Variants in STRN observed in about 807,000 individuals in gnomAD.
The protein encoded by STRN is striatin.
In STRN, 53 loss-of-function variants were observed where a neutral mutation model predicts 96.3. The observed-to-expected ratio is 0.55, with a 90% confidence interval of 0.44 to 0.69. STRN has a LOEUF of 0.69. STRN is among the 30% of genes least tolerant of loss of function. STRN has a pLI of 0.00. For synonymous variants in STRN, 428 were observed against 355.9 expected (o/e 1.20, Z -2.28); for missense variants, 987 against 963.9 (o/e 1.02, Z -0.32).
rs753175895 is a variant in STRN at position 36,966,319 on chromosome 2, G to A, written c.145C>T (p.Leu49Phe). ...TGCAGGAAGTGCAGGATCCCCGGGA[G>A]ACTGTACTGGGCTCGGGCCGCCCCC... ...AAGAARAQYS[L>F]PGILHFLQHE... The change falls in exon 1 of 18, where the codon CTC becomes TTC. Residue 49 changes from leucine (L) to phenylalanine (F), a missense_variant. Transcript: ENST00000263918. 5.2e-5 allele frequency: 80 copies of A among 1,550,338 alleles called. No homozygotes were observed. The highest frequency in any genetic ancestry group is 5.1e-4 in the South Asian group (43 of 85,038).
At chr2:36,937,829 G>A (rs1670745486) in intron 1 of STRN, among the ~76,000 whole-genome samples, 1 of 152,112 alleles carries the variant, frequency 6.6e-6, no homozygotes, top group African/African-American at 2.4e-5. Context: ...TATGACCAGA[G>A]TGATTATAAA....
At chr2:36,867,363 A>G (rs1668655367) in intron 12 of STRN, 2 of 153,136 alleles carry the variant, frequency 1.3e-5, no homozygotes, top group Non-Finnish European at 2.9e-5. Flanking sequence ...CAACAGCGTG[A>G]GACCCCGTCT....
intron 1 of STRN, 94 bp downstream of exon 1, chr2:36,966,136 G>A (rs1464767414): frequency 3.3e-5 from 44 of 1,317,842 alleles, no homozygotes; most frequent in Non-Finnish European, 3.9e-5. Context: ...GGGAGGGGAC[G>A]CGAGAAGGCT....
chr2:36,862,861 G>A (rs1237488602), intron 12 of STRN, among the ~76,000 whole-genome samples: 2 of 151,530 alleles, frequency 1.3e-5, no homozygotes, highest in Non-Finnish European at 2.9e-5. Flanking sequence ...CAGCCTCTCC[G>A]AGTAGCTGGG....
Position 36,849,696 on chromosome 2 carries a change from C to T in STRN, c.2173+18G>A. ...AAATGGTAAGGACAAATAAATAATC[C>T]ATAGTTGAGGTACTTACTGCCAGAC... is the stretch of plus-strand genomic sequence containing the variant. On this transcript the variant is annotated intron_variant, in intron 17 of 17. Transcript: ENST00000263918. 6.2e-7 allele frequency: 1 copy of T among 1,613,632 alleles called. No homozygotes were observed. The highest frequency in any genetic ancestry group is 8.5e-7 in the Non-Finnish European group (1 of 1,179,830).
chr2:36,952,909 T>C (rs1664796504), intron 1 of STRN, among the ~76,000 whole-genome samples: 2 of 152,222 alleles, frequency 1.3e-5, no homozygotes, highest in African/African-American at 4.8e-5. Context: ...TTAAGCTCTT[T>C]TGCTCAATGG....
chr2:36,838,287 G>A lies in STRN; in HGVS notation c.*11169C>T, dbSNP rs1667867057. Among the ~76,000 whole-genome samples, 2 of 152,170 alleles carry A rather than the reference G, an allele frequency of 1.3e-5. No individual in the cohort carries two copies. The highest frequency in any genetic ancestry group is 2.9e-5 in the Non-Finnish European group (2 of 68,034). ...CTCTGACTTTAATGAGGCTGGAAGC[G>A]AATTCCTCCTCAGAGCTTTAGTTGA... On this transcript the variant is annotated 3_prime_UTR_variant, in exon 18 of 18. Coordinates refer to ENST00000263918, the MANE Select transcript of STRN (RefSeq NM_003162.4).
intron 15 of STRN, among the ~76,000 whole-genome samples, chr2:36,853,253 A>G (rs1668264555): frequency 6.6e-6 from 1 of 152,238 alleles, no homozygotes. Context: ...AGAGATGTTT[A>G]TTTATAAAAT....
intron 7 of STRN, among the ~76,000 whole-genome samples, chr2:36,888,638 T>C (rs1293984984): frequency 1.1e-5 from 1 of 89,606 alleles, no homozygotes; most frequent in African/African-American, 3.5e-5. Context: ...TTTTAATTTA[T>C]ATGTGTGTGT....
At chr2:36,951,553 A>C (rs2148268757) in intron 1 of STRN, among the ~76,000 whole-genome samples, 1 of 152,364 alleles carries the variant, frequency 6.6e-6, no homozygotes, top group African/African-American at 2.4e-5. Flanking sequence ...TGTCTGAAAC[A>C]CAGGTCCTGC....
intron 9 of STRN, among the ~76,000 whole-genome samples, chr2:36,879,187 C>G (rs1269882112): frequency 6.6e-6 from 1 of 152,096 alleles, no homozygotes; most frequent in Non-Finnish European, 1.5e-5. Flanking sequence ...TCTCCTGCCT[C>G]AGCCTCCCAA....
intron 1 of STRN, among the ~76,000 whole-genome samples, chr2:36,939,177 C>G (rs371596376): frequency 6.6e-6 from 1 of 151,964 alleles, no homozygotes; most frequent in African/African-American, 2.4e-5. Context: ...GTGATCCGCC[C>G]GCCTCGGCCT....
At chr2:36,939,378 G>A (rs186086544) in intron 1 of STRN, among the ~76,000 whole-genome samples, 9 of 151,970 alleles carry the variant, frequency 5.9e-5, no homozygotes, top group African/African-American at 1.5e-4. Flanking sequence ...TTAATTAGAC[G>A]TGATGATAAT....
chr2:36,931,654 A>T (rs1376064266), intron 1 of STRN, among the ~76,000 whole-genome samples: 6 of 152,210 alleles, frequency 3.9e-5, no homozygotes, highest in South Asian at 4.1e-4. Context: ...GTTGCCTAAG[A>T]CATATGTGTA....
chr2:36,949,154 T>C (rs1240352247), intron 1 of STRN, among the ~76,000 whole-genome samples: 1 of 152,230 alleles, frequency 6.6e-6, no homozygotes, highest in Admixed American at 6.5e-5. Context: ...CAGTATTCCA[T>C]ATAGTAACAT....
At chr2:36,938,593 G>A (rs1670765228) in intron 1 of STRN, among the ~76,000 whole-genome samples, 1 of 152,170 alleles carries the variant, frequency 6.6e-6, no homozygotes, top group Non-Finnish European at 1.5e-5. Context: ...CTATTTGCAT[G>A]TATTTTCATA....
intron 9 of STRN, among the ~76,000 whole-genome samples, chr2:36,881,571 A>G (rs754220977): frequency 6.6e-6 from 1 of 152,202 alleles, no homozygotes; most frequent in South Asian, 2.1e-4. Flanking sequence ...CTATCTCTTA[A>G]ATGTTTTTTC....
At chr2:36,940,330 A>G (rs544364814) in intron 1 of STRN, among the ~76,000 whole-genome samples, 1 of 152,356 alleles carries the variant, frequency 6.6e-6, no homozygotes, top group African/African-American at 2.4e-5. Flanking sequence ...GATTCTACTC[A>G]GAAACAAATG....
At chr2:36,920,155 T>C (rs1008537415) in intron 2 of STRN, among the ~76,000 whole-genome samples, 1 of 152,186 alleles carries the variant, frequency 6.6e-6, no homozygotes, top group Admixed American at 6.5e-5. Context: ...CATTAACTGT[T>C]AAAACTTGGG....
Sources: gnomAD v4.1 joint callset for allele counts (sites outside exome capture counted in the v4.1 genomes callset) on GRCh38, gnomAD v4.1.1 for gene constraint, MANE v1.5 for transcripts, NCBI Gene and HGNC (gene_info 2026-07-23, HGNC 2026-07-21) for gene names.